Variants in RBMS3 observed in about 807,000 individuals in gnomAD.
RBMS3 encodes RNA-binding motif, single-stranded-interacting protein 3.
A neutral mutation model predicts 66.8 loss-of-function variants in RBMS3; 27 were observed. That is an observed-to-expected ratio of 0.40 (90% confidence interval 0.30 to 0.56). The LOEUF (loss-of-function observed/expected upper bound fraction) is 0.56, where lower values mean the gene tolerates loss of function less well. Among genes scored for constraint, RBMS3 ranks in the 20% least tolerant of loss-of-function variants. The pLI, the probability that RBMS3 is intolerant of heterozygous loss-of-function variation, is 0.40. For missense variants in RBMS3, 513 were observed against 549.5 expected (o/e 0.93, Z 0.66); for synonymous variants, 188 against 183.0 (o/e 1.03, Z -0.22).
intron 1 of RBMS3, among the ~76,000 whole-genome samples, chr3:29,388,652 G>T (rs1189538883): frequency 6.6e-6 from 1 of 152,126 alleles, no homozygotes; most frequent in Non-Finnish European, 1.5e-5. Context: ...TCGGCTCACT[G>T]CCAGCTCTGC....
intron 8 of RBMS3, 142 bp downstream of exon 8, chr3:29,884,350 T>A: frequency 1.3e-6 from 1 of 744,456 alleles, no homozygotes; most frequent in Non-Finnish European, 2.1e-6. Flanking sequence ...TTTTCATCAT[T>A]ATAGTTTTTT....
chr3:29,969,822 A>G (rs1174049080), intron 12 of RBMS3, among the ~76,000 whole-genome samples: 3 of 152,198 alleles, frequency 2.0e-5, no homozygotes, highest in African/African-American at 7.2e-5. Context: ...GAGTTGTAAG[A>G]AAAAAATGCA....
chr3:29,686,596 G>T (rs1437603557), intron 4 of RBMS3, among the ~76,000 whole-genome samples: 1 of 152,076 alleles, frequency 6.6e-6, no homozygotes, highest in Non-Finnish European at 1.5e-5. Flanking sequence ...GAAGCCAGAG[G>T]GTTGCTTGAG....
intron 1 of RBMS3, among the ~76,000 whole-genome samples, chr3:29,311,978 C>T (rs1020198571): frequency 1.3e-5 from 2 of 151,814 alleles, no homozygotes; most frequent in Admixed American, 1.3e-4. Flanking sequence ...CCACAGTGTA[C>T]TTGTGCTGTG....
In RBMS3 at chr3:29,319,176, A is replaced by G. The variant is rs371198832; in HGVS notation, c.75+37420A>G. On this transcript the variant is annotated intron_variant, in intron 1 of 14. Coordinates refer to ENST00000383767, the MANE Select transcript of RBMS3 (RefSeq NM_001003793.3). ...AGTATAGTTTGGGACAAAGTGACAT[A>G]AGGAAAGGATTCACCTTTCTCATTT... Among the ~76,000 whole-genome samples, 154 of 152,084 alleles carry G rather than the reference A, an allele frequency of 1.0e-3. 2 individuals carry two copies. The highest frequency in any genetic ancestry group is 3.5e-3 in the African/African-American group (144 of 41,532).
intron 2 of RBMS3, among the ~76,000 whole-genome samples, chr3:29,437,680 A>C (rs577399498): frequency 5.5e-4 from 84 of 152,340 alleles, no homozygotes; most frequent in Non-Finnish European, 9.6e-4. Context: ...ATAACTGTGC[A>C]CTAAGAGATC....
rs374874560 is a variant in RBMS3 at position 29,988,164 on chromosome 3, A to T, written c.1120A>T (p.Met374Leu). 2 of 1,613,186 alleles carry T rather than the reference A, an allele frequency of 1.2e-6. No homozygotes were observed. The highest frequency in any genetic ancestry group is 2.2e-5 in the East Asian group (1 of 44,874). Residue 374 changes from methionine to leucine, a missense_variant, in exon 13 of 15, where the codon ATG (methionine) becomes TTG (leucine). Coordinates refer to ENST00000383767, the MANE Select transcript of RBMS3 (RefSeq NM_001003793.3). Reference protein sequence around the residue: ...LCQYMTAAAPMQGTYIPQYTP... With the variant: ...LCQYMTAAAPLQGTYIPQYTP... ...CTAGTATATGACTGCTGCTGCTCCTATGCAAGGGACCTACATTCCTCAGTA... is the reference window on the plus strand; with the variant it reads ...CTAGTATATGACTGCTGCTGCTCCTTTGCAAGGGACCTACATTCCTCAGTA...
At chr3:29,897,286 A>T in intron 8 of RBMS3, 93 bp from the exon 9 acceptor site, 2 of 1,123,676 alleles carry the variant, frequency 1.8e-6, no homozygotes, top group Non-Finnish European at 2.7e-6. Flanking sequence ...TGCGGGTGGA[A>T]ATATGTCTTT....
intron 4 of RBMS3, among the ~76,000 whole-genome samples, chr3:29,722,466 A>T (rs1410880480): frequency 6.6e-6 from 1 of 152,184 alleles, no homozygotes; most frequent in East Asian, 1.9e-4. Context: ...TCAGGAAATT[A>T]ACACTGGTAC....
intron 1 of RBMS3, among the ~76,000 whole-genome samples, chr3:29,315,858 A>G (rs1207718312): frequency 4.0e-5 from 6 of 151,766 alleles, no homozygotes; most frequent in Admixed American, 2.6e-4. Flanking sequence ...CCCTACCACT[A>G]TCACTGACAC....
chr3:29,284,177 A>T (rs1047907756), intron 1 of RBMS3, among the ~76,000 whole-genome samples: 1 of 152,188 alleles, frequency 6.6e-6, no homozygotes, highest in African/African-American at 2.4e-5. Context: ...GCTTGGAGTT[A>T]TAATCCAATT....
chr3:29,562,290 A>G (rs1188248859), intron 3 of RBMS3, among the ~76,000 whole-genome samples: 1 of 152,172 alleles, frequency 6.6e-6, no homozygotes, highest in Non-Finnish European at 1.5e-5. Flanking sequence ...GTGATAGTTA[A>G]CTATTTTCAC....
intron 4 of RBMS3, among the ~76,000 whole-genome samples, chr3:29,739,317 G>T (rs1227138856): frequency 1.3e-5 from 2 of 151,974 alleles, no homozygotes; most frequent in East Asian, 1.9e-4. Flanking sequence ...TTAGCTGGGC[G>T]TGGTGGCGGG....
At chr3:29,488,366 G>A (rs766204402) in intron 2 of RBMS3, 75 bp from the exon 3 acceptor site, 73 of 1,280,168 alleles carry the variant, frequency 5.7e-5, no homozygotes, top group East Asian at 1.9e-4. Flanking sequence ...TGTGTGCCCC[G>A]ATGTTCATTA....
intron 12 of RBMS3, among the ~76,000 whole-genome samples, chr3:29,975,809 T>C (rs1283828141): frequency 6.6e-6 from 1 of 151,986 alleles, no homozygotes; most frequent in Admixed American, 6.6e-5. Flanking sequence ...AGAAATTTCT[T>C]CCACATTCTA....
chr3:29,946,162 C>A (rs903736059), intron 12 of RBMS3, among the ~76,000 whole-genome samples: 1 of 151,710 alleles, frequency 6.6e-6, no homozygotes, highest in Non-Finnish European at 1.5e-5. Context: ...TAGAAATAGA[C>A]TTGCCTTTCC....
chr3:29,341,121 T>C (rs1012180820), intron 1 of RBMS3, among the ~76,000 whole-genome samples: 11 of 152,032 alleles, frequency 7.2e-5, no homozygotes, highest in Non-Finnish European at 1.6e-4. Flanking sequence ...ATCCCTGTAT[T>C]TGTAGAAATA....
chr3:29,524,451 G>A (rs981966042), intron 3 of RBMS3, among the ~76,000 whole-genome samples: 2 of 100,790 alleles, frequency 2.0e-5, no homozygotes, highest in African/African-American at 7.0e-5. Context: ...TTTTGGAGAC[G>A]GAGTTTTGCT....
At chr3:29,848,769 C>A (rs2058853832) in intron 6 of RBMS3, among the ~76,000 whole-genome samples, 1 of 152,072 alleles carries the variant, frequency 6.6e-6, no homozygotes, top group Non-Finnish European at 1.5e-5. Flanking sequence ...GATGATTGAG[C>A]AGGTTTTTTG....
Sources: gnomAD v4.1 joint callset for allele counts (sites outside exome capture counted in the v4.1 genomes callset) on GRCh38, gnomAD v4.1.1 for gene constraint, MANE v1.5 for transcripts, NCBI Gene and HGNC (gene_info 2026-07-23, HGNC 2026-07-21) for gene names.